Variants in GARRE1 observed in about 807,000 individuals in gnomAD.
GARRE1 encodes granule associated Rac and RHOG effector protein 1.
In GARRE1, 49 loss-of-function variants were observed where a neutral mutation model predicts 103.2. The ratio of observed to expected loss-of-function variants is 0.47; its 90% CI spans 0.38 to 0.60. GARRE1 has a LOEUF of 0.60. Ranked by LOEUF, GARRE1 falls within the 20% of genes least tolerant of loss-of-function variation. The probability of loss-of-function intolerance (pLI) is 0.00; values close to 1 mark genes in which losing one functional copy is unlikely to be tolerated. For synonymous variants in GARRE1, 505 were observed against 532.8 expected (o/e 0.95, Z 0.72); for missense variants, 1,199 against 1,370.5 (o/e 0.87, Z 1.98).
intron 13 of GARRE1, 122 bp downstream of exon 13, chr19:34,351,714 A>G (rs755781744): frequency 1.4e-6 from 1 of 699,548 alleles, no homozygotes; most frequent in Non-Finnish European, 2.5e-6. Flanking sequence ...ATGATTAGCC[A>G]CCTCAGCTGA....
chr19:34,311,327 G>A (rs961000739), intron 2 of GARRE1, among the ~76,000 whole-genome samples: 1 of 152,132 alleles, frequency 6.6e-6, no homozygotes, highest in African/African-American at 2.4e-5. Context: ...GTTCATGACG[G>A]TGTAACTAGA....
intron 2 of GARRE1, among the ~76,000 whole-genome samples, chr19:34,313,764 C>T (rs2074047519): frequency 6.6e-6 from 1 of 152,088 alleles, no homozygotes; most frequent in Non-Finnish European, 1.5e-5. Flanking sequence ...TATCTCTGCC[C>T]ACAATGTAAA....
chr19:34,286,010 T>C (rs1023251439), intron 1 of GARRE1, among the ~76,000 whole-genome samples: 1 of 152,176 alleles, frequency 6.6e-6, no homozygotes, highest in African/African-American at 2.4e-5. Flanking sequence ...TTTTCATTGA[T>C]CTGTGTAACC....
chr19:34,260,188 C>T (rs560260546), intron 1 of GARRE1, among the ~76,000 whole-genome samples: 2 of 152,328 alleles, frequency 1.3e-5, no homozygotes, highest in South Asian at 2.1e-4. Flanking sequence ...ACGGCAAGAC[C>T]CTCTGCCAAC....
chr19:34,262,188 T>G (rs1202518059), intron 1 of GARRE1, among the ~76,000 whole-genome samples: 2 of 151,634 alleles, frequency 1.3e-5, no homozygotes, highest in Non-Finnish European at 2.9e-5. Context: ...TTTCACCATA[T>G]TGGCCAGGCT....
chr19:34,262,287 C>CTTTTTTGTTTTTTTTTTTT (rs2073723157), intron 1 of GARRE1, among the ~76,000 whole-genome samples: 1 of 35,762 alleles, frequency 2.8e-5, no homozygotes, highest in Non-Finnish European at 5.5e-5. Flanking sequence ...CCAGCTGCTG[C>CTTTTTTGTTTTTTTTTTTT]TTTTTTTTTT....
At position 34,323,158 on chromosome 19, in the gene GARRE1, C is replaced by T. The variant is rs559702222; in HGVS notation, c.705+3042C>T. On this transcript the variant is annotated intron_variant, in intron 3 of 13. Coordinates refer to ENST00000299505, the MANE Select transcript of GARRE1 (RefSeq NM_014686.5). Reference sequence around the variant, plus strand: ...GCCATTCTCCTGCCTCAGCCTCCCGCGTAGCTGGGACTACAGGTGCCTGCC... The same window carrying T: ...GCCATTCTCCTGCCTCAGCCTCCCGTGTAGCTGGGACTACAGGTGCCTGCC... Among the ~76,000 whole-genome samples the T allele has an allele frequency of 3.3e-5, 5 of 150,550 alleles. No homozygotes were observed. In the South Asian group the frequency reaches 6.3e-4, roughly 19 times the overall value.
intron 6 of GARRE1, among the ~76,000 whole-genome samples, chr19:34,329,766 G>A (rs770648606): frequency 1.3e-5 from 2 of 152,050 alleles, no homozygotes; most frequent in Non-Finnish European, 2.9e-5. Context: ...AACCCAGGAG[G>A]TGGAGGTTGC....
intron 8 of GARRE1, among the ~76,000 whole-genome samples, chr19:34,335,121 A>T (rs1255826060): frequency 6.6e-6 from 1 of 152,240 alleles, no homozygotes; most frequent in South Asian, 2.1e-4. Flanking sequence ...AATACTAAAT[A>T]TAGTGACAAT....
rs928776609 is a variant in GARRE1 at position 34,354,933 on chromosome 19, T to G, written c.*1978T>G. 1 of 152,650 alleles carries G rather than the reference T, an allele frequency of 6.6e-6. No homozygotes were observed. The highest frequency in any genetic ancestry group is 2.4e-5 in the African/African-American group (1 of 41,452). 9.5% of individuals were successfully genotyped at this position (152,650 alleles called of 1,614,324 possible). ...AAGAACTGTTTTGTATATAGACATT[T>G]TCAGGCACGTGCTTTGCACCAACCC... On this transcript the variant is annotated 3_prime_UTR_variant, in exon 14 of 14. Transcript: ENST00000299505.
chr19:34,344,161 G>T (rs1226688493), intron 10 of GARRE1, among the ~76,000 whole-genome samples: 1 of 152,168 alleles, frequency 6.6e-6, no homozygotes, highest in Non-Finnish European at 1.5e-5. Context: ...GGTAACATAG[G>T]TACATGCAAA....
chr19:34,342,988 C>CT (rs1272160579), intron 10 of GARRE1, among the ~76,000 whole-genome samples: 1 of 151,760 alleles, frequency 6.6e-6, no homozygotes, highest in African/African-American at 2.4e-5. Context: ...CAAGAACAAA[C>CT]TAGGAGGAGG....
At chr19:34,302,567 T>TA (rs2073985795) in intron 2 of GARRE1, among the ~76,000 whole-genome samples, 1 of 152,052 alleles carries the variant, frequency 6.6e-6, no homozygotes, top group African/African-American at 2.4e-5. Context: ...GTGTTGGGAT[T>TA]ACAGGTGTGA....
intron 1 of GARRE1, among the ~76,000 whole-genome samples, chr19:34,288,186 A>T (rs768841462): frequency 6.6e-6 from 1 of 152,168 alleles, no homozygotes; most frequent in Non-Finnish European, 1.5e-5. Context: ...TTCCAGCTGT[A>T]TGTAGCTTCC....
intron 2 of GARRE1, among the ~76,000 whole-genome samples, chr19:34,308,033 A>AT (rs1439512485): frequency 1.3e-5 from 2 of 151,438 alleles, no homozygotes; most frequent in Non-Finnish European, 2.9e-5. Flanking sequence ...ATACTATGTG[A>AT]TTACCTGTGA....
At chr19:34,257,838 C>G (rs1268449582) in intron 1 of GARRE1, among the ~76,000 whole-genome samples, 1 of 151,584 alleles carries the variant, frequency 6.6e-6, no homozygotes, top group Non-Finnish European at 1.5e-5. Flanking sequence ...GCTATTCTTT[C>G]TTGCTCTCGT....
chr19:34,344,357 G>A (rs185020289), intron 10 of GARRE1, among the ~76,000 whole-genome samples: 1,830 of 152,198 alleles, frequency 0.012, 15 homozygotes, highest in Non-Finnish European at 0.018. Flanking sequence ...TTGGGAGGCC[G>A]AGGCGGGCGG....
chr19:34,294,706 T>C (rs1398633292), intron 1 of GARRE1, among the ~76,000 whole-genome samples: 1 of 152,180 alleles, frequency 6.6e-6, no homozygotes, highest in Non-Finnish European at 1.5e-5. Flanking sequence ...CTGGACATTT[T>C]ATTTTATTAT....
At chr19:34,327,639 A>T in intron 4 of GARRE1, 78 bp downstream of exon 4, 1 of 1,540,148 alleles carries the variant, frequency 6.5e-7, no homozygotes, top group Non-Finnish European at 8.9e-7. Flanking sequence ...ATGTTGAATC[A>T]ATTAGAAAGG....
Sources: gnomAD v4.1 joint callset for allele counts (sites outside exome capture counted in the v4.1 genomes callset) on GRCh38, gnomAD v4.1.1 for gene constraint, MANE v1.5 for transcripts, NCBI Gene and HGNC (gene_info 2026-07-23, HGNC 2026-07-21) for gene names.